GRM3: variants seen among roughly 807,000 people sequenced by gnomAD.
GRM3 encodes glutamate metabotropic receptor 3, also known as metabotropic glutamate receptor 3.
A neutral mutation model predicts 70.5 loss-of-function variants in GRM3; 26 were observed. The observed-to-expected ratio is 0.37, with a 90% CI of 0.27 to 0.51. The LOEUF (loss-of-function observed/expected upper bound fraction) is 0.51, where lower values mean the gene tolerates loss of function less well. Ranked by LOEUF, GRM3 falls within the 20% of genes least tolerant of loss-of-function variation. The pLI is 0.93. For missense variants in GRM3, 859 were observed against 1,123.8 expected, an observed-to-expected ratio of 0.76 and a Z score of 3.37; for synonymous variants, 443 against 434.9, an observed-to-expected ratio of 1.02 and a Z score of -0.23.
intron 3 of GRM3, among the ~76,000 whole-genome samples, chr7:86,806,167 G>C (rs1797787985): frequency 6.6e-6 from 1 of 152,102 alleles, no homozygotes; most frequent in South Asian, 2.1e-4. Context: ...ATTTGGGTTG[G>C]TTCCTAGTCT....
At chr7:86,776,289 C>T (rs1157237965) in intron 2 of GRM3, among the ~76,000 whole-genome samples, 4 of 152,054 alleles carry the variant, frequency 2.6e-5, no homozygotes, top group Non-Finnish European at 5.9e-5. Flanking sequence ...AATAACTAGC[C>T]GAAGGTCACA....
intron 1 of GRM3, among the ~76,000 whole-genome samples, chr7:86,672,825 C>G (rs1299936582): frequency 6.6e-6 from 1 of 152,164 alleles, no homozygotes; most frequent in Non-Finnish European, 1.5e-5. Context: ...ATGCTTTTCT[C>G]TGACTTTGCT....
At chr7:86,685,143 A>G (rs374398941) in intron 1 of GRM3, among the ~76,000 whole-genome samples, 2 of 152,186 alleles carry the variant, frequency 1.3e-5, no homozygotes, top group South Asian at 4.1e-4. Flanking sequence ...CAATTAATGA[A>G]CTACAAAAAA....
At chr7:86,679,926 T>C (rs1794403546) in intron 1 of GRM3, among the ~76,000 whole-genome samples, 1 of 152,176 alleles carries the variant, frequency 6.6e-6, no homozygotes, top group African/African-American at 2.4e-5. Flanking sequence ...CTTTGTTTTC[T>C]TTCTTGTTGT....
At chr7:86,731,683 A>T (rs1308345033) in intron 1 of GRM3, among the ~76,000 whole-genome samples, 1 of 152,188 alleles carries the variant, frequency 6.6e-6, no homozygotes, top group Non-Finnish European at 1.5e-5. Flanking sequence ...TTGAGAGTGT[A>T]AAGGGTAACA....
intron 1 of GRM3, among the ~76,000 whole-genome samples, chr7:86,663,028 G>T (rs73398411): frequency 0.022 from 3,407 of 151,824 alleles, 134 homozygotes; most frequent in African/African-American, 0.078. Context: ...TACAATTGAT[G>T]AATATGAAAC....
chr7:86,683,004 T>C (rs1006535217), intron 1 of GRM3, among the ~76,000 whole-genome samples: 3 of 152,136 alleles, frequency 2.0e-5, no homozygotes, highest in Admixed American at 1.3e-4. Flanking sequence ...GGGAGAGCAT[T>C]TTCAGATTTG....
At chr7:86,807,484 A>G (rs1562870789) in intron 3 of GRM3, among the ~76,000 whole-genome samples, 2 of 150,754 alleles carry the variant, frequency 1.3e-5, no homozygotes, top group African/African-American at 2.5e-5. Context: ...TGGATTCCTA[A>G]GTATTTTATT....
At chr7:86,861,599 T>C (rs1798959945) in intron 5 of GRM3, among the ~76,000 whole-genome samples, 1 of 151,838 alleles carries the variant, frequency 6.6e-6, no homozygotes, top group Non-Finnish European at 1.5e-5. Context: ...CATGAGTAGA[T>C]CAGAGGGAAG....
intron 1 of GRM3, among the ~76,000 whole-genome samples, chr7:86,705,184 C>T (rs1341082316): frequency 6.6e-6 from 1 of 151,842 alleles, no homozygotes; most frequent in Non-Finnish European, 1.5e-5. Context: ...ATGAGACATT[C>T]CCAACAGCTC....
chr7:86,756,209 G>T (rs867757879), intron 1 of GRM3, among the ~76,000 whole-genome samples: 4 of 152,076 alleles, frequency 2.6e-5, no homozygotes, highest in Admixed American at 1.3e-4. Flanking sequence ...CTCCCAAGTA[G>T]CTGGGATTAC....
At chr7:86,801,005 G>A (rs1282570723) in intron 3 of GRM3, among the ~76,000 whole-genome samples, 1 of 148,992 alleles carries the variant, frequency 6.7e-6, no homozygotes, top group Non-Finnish European at 1.5e-5. Context: ...TACCCCTATA[G>A]TAAACAAGTT....
chr7:86,813,050 A>G (rs1398560227), intron 3 of GRM3, among the ~76,000 whole-genome samples: 4 of 151,774 alleles, frequency 2.6e-5, no homozygotes, highest in African/African-American at 9.7e-5. Context: ...GCCCCTCATT[A>G]TCATCAGAAC....
At chr7:86,767,514 CATATATATAT>C (rs3057233) in intron 2 of GRM3, among the ~76,000 whole-genome samples, 5,438 of 99,842 alleles carry the variant, frequency 0.054, 153 homozygotes, top group African/African-American at 0.076. Flanking sequence ...GGTCATACTT[CATATATATAT>C]ATATATATAT....
chr7:86,794,366 T>C (rs1408732362), intron 3 of GRM3, among the ~76,000 whole-genome samples: 1 of 152,156 alleles, frequency 6.6e-6, no homozygotes, highest in Non-Finnish European at 1.5e-5. Flanking sequence ...AATCACATAC[T>C]GAAATAGAGG....
At chr7:86,821,941 C>CT (rs113685892) in intron 3 of GRM3, among the ~76,000 whole-genome samples, 2,834 of 143,216 alleles carry the variant, frequency 0.02, 66 homozygotes, top group African/African-American at 0.059. Flanking sequence ...CTTAGAGCAA[C>CT]TTTTTTTTTT....
At chr7:86,838,022 G>T (rs1798491274) in intron 3 of GRM3, among the ~76,000 whole-genome samples, 1 of 152,178 alleles carries the variant, frequency 6.6e-6, no homozygotes, top group Non-Finnish European at 1.5e-5. Context: ...AAGCATGTAT[G>T]CTCAGAGCTT....
At chr7:86,793,910 A>G (rs1458509709) in intron 3 of GRM3, among the ~76,000 whole-genome samples, 1 of 152,132 alleles carries the variant, frequency 6.6e-6, no homozygotes, top group Non-Finnish European at 1.5e-5. Context: ...ATGATCCCCA[A>G]TGAAGTATGA....
rs763382792 is a variant in GRM3 at position 86,839,043 on chromosome 7, G to C, written c.1529G>C (p.Ser510Thr). The change falls in exon 4 of 6, where the codon AGC (serine) becomes ACC (threonine). Residue 510 changes from serine to threonine, a missense_variant. By Grantham distance (58) the Ser-to-Thr change is moderately conservative. Coordinates refer to ENST00000361669, the MANE Select transcript of GRM3 (RefSeq NM_000840.3). The surrounding 1 kb of genome is among the most constrained non-coding windows in gnomAD (Gnocchi z 4.5). The part of the protein sequence containing the change: ...SRNSVPTSQC[S>T]DPCAPNEMKN... ...AACTCAGTCCCCACTTCCCAGTGCA[G>C]CGACCCCTGTGCCCCCAATGAAATG... 3 of 1,614,060 alleles carry C rather than the reference G, an allele frequency of 1.9e-6. No individual in the cohort carries two copies. The East Asian group carries it at 6.7e-5, about 36-fold the overall frequency.
Sources: allele counts gnomAD v4.1 joint callset (sites outside exome capture counted in the v4.1 genomes callset), GRCh38; gene constraint gnomAD v4.1.1; non-coding constraint Gnocchi (gnomAD v3.1); transcripts MANE v1.5; gene names NCBI Gene and HGNC (gene_info 2026-07-23, HGNC 2026-07-21).